Variants in RBBP8 observed in about 807,000 individuals in gnomAD.
RBBP8 encodes the protein DNA endonuclease RBBP8.
A neutral mutation model predicts 108.3 loss-of-function variants in RBBP8; 88 were observed. The ratio of observed to expected loss-of-function variants is 0.81; its 90% CI spans 0.68 to 0.97. RBBP8 has a LOEUF of 0.97. RBBP8 is among the 50% of genes least tolerant of loss of function. RBBP8 has a pLI of 0.00. For missense variants in RBBP8, 1,023 were observed against 1,049.0 expected (o/e 0.98, Z 0.34); for synonymous variants, 332 against 348.2 (o/e 0.95, Z 0.52).
rs773211779 is a variant in RBBP8 at position 23,026,178 on chromosome 18, C to G, written c.2632C>G (p.Pro878Ala). ...GGAAGATCTTGATCCTTGTCCTCGTCCAAAAAGACGTCAGCCTTACAACGC... is the reference window on the plus strand; with the variant it reads ...GGAAGATCTTGATCCTTGTCCTCGTGCAAAAAGACGTCAGCCTTACAACGC... ...IKEDLDPCPR[P>A]KRRQPYNAIF... Residue 878 changes from proline (P) to alanine (A), a missense_variant, in exon 19 of 19, where the codon CCA (proline) becomes GCA (alanine). Physicochemically the swap from Pro to Ala is conservative, Grantham distance 27 (BLOSUM62 -1). Transcript: ENST00000327155. 56 of 1,613,616 alleles carry G rather than the reference C, an allele frequency of 3.5e-5. No individual in the cohort carries two copies. The South Asian group carries it at 5.9e-4, about 17-fold the overall frequency.
Position 23,007,002 on chromosome 18 carries a change from CATGT to C in RBBP8, c.2357+571_2357+574del, listed in dbSNP as rs1567996777. On this transcript the variant is annotated intron_variant, in intron 16 of 18. Transcript: ENST00000327155. ...CTCTGCTTTTGTGTGTGTGCGTGTGCATGTGTGTGTGTGTATTTCTTTTTTTTTT... is the reference window on the plus strand; with the variant it reads ...CTCTGCTTTTGTGTGTGTGCGTGTGCGTGTGTGTGTATTTCTTTTTTTTTT... Among the ~76,000 whole-genome samples, 5 of 147,348 alleles carry C rather than the reference CATGT, an allele frequency of 3.4e-5. No individual in the cohort carries two copies. In the South Asian group the frequency reaches 6.4e-4, roughly 19 times the overall value.
intron 2 of RBBP8, among the ~76,000 whole-genome samples, chr18:22,944,027 C>G (rs1438738116): frequency 6.6e-6 from 1 of 152,158 alleles, no homozygotes; most frequent in Non-Finnish European, 1.5e-5. Flanking sequence ...GTGTTACAAT[C>G]CCAGATACTT....
intron 3 of RBBP8, among the ~76,000 whole-genome samples, chr18:22,922,323 C>T (rs1297718870): frequency 6.6e-6 from 1 of 151,842 alleles, no homozygotes; most frequent in African/African-American, 2.4e-5. Context: ...AAAAAAATAA[C>T]ACTATCTCCT....
intron 3 of RBBP8, among the ~76,000 whole-genome samples, chr18:22,921,382 C>A (rs1252018697): frequency 6.6e-6 from 1 of 152,150 alleles, no homozygotes; most frequent in Non-Finnish European, 1.5e-5. Context: ...TTAAGAGTTG[C>A]CGCATGGGTT....
At chr18:22,983,619 T>C (rs544133370) in intron 7 of RBBP8, among the ~76,000 whole-genome samples, 32 of 61,230 alleles carry the variant, frequency 5.2e-4, no homozygotes, top group African/African-American at 1.0e-3. Flanking sequence ...GAAAGTCTTT[T>C]GTAACCAATA....
At chr18:22,990,849 T>C in intron 9 of RBBP8, 88 bp from the exon 10 acceptor site, 1 of 971,476 alleles carries the variant, frequency 1.0e-6, no homozygotes, top group Non-Finnish European at 1.6e-6. Context: ...GAGGTTCATC[T>C]ACATCATAAC....
chr18:22,993,408 C>A lies in RBBP8; in HGVS notation c.1581C>A (p.Thr527=). 1.2e-6 allele frequency: 2 copies of A among 1,614,170 alleles called. No individual in the cohort carries two copies. The highest frequency in any genetic ancestry group is 8.5e-7 in the Non-Finnish European group (1 of 1,180,034). ...RQVTLYEALK[T]IPKGFSSSRK... is the part of the protein sequence containing the mutation. The stretch of plus-strand genomic sequence containing the variant: ...TGACTCTTTATGAGGCTTTGAAGAC[C>A]ATTCCAAAGGGCTTTTCCTCAAGCC... The change falls in exon 11 of 19, where the codon ACC becomes ACA. Residue 527 remains threonine (T), a synonymous_variant. Transcript: ENST00000327155.
chr18:22,977,542 G>A (rs191854812), intron 6 of RBBP8, among the ~76,000 whole-genome samples: 33 of 152,200 alleles, frequency 2.2e-4, no homozygotes, highest in Non-Finnish European at 4.1e-4. Context: ...ATGGGTCAGT[G>A]AAAGTCAAGG....
chr18:22,992,651 C>G, intron 10 of RBBP8, 97 bp from the exon 11 acceptor site: 1 of 1,017,560 alleles, frequency 9.8e-7, no homozygotes, highest in Non-Finnish European at 1.5e-6. Flanking sequence ...AAAAGCTGTA[C>G]CTTGTCTTAA....
intron 4 of RBBP8, among the ~76,000 whole-genome samples, chr18:22,953,591 G>C (rs1279570902): frequency 6.6e-6 from 1 of 152,038 alleles, no homozygotes; most frequent in African/African-American, 2.4e-5. Flanking sequence ...CTTAAAGTTT[G>C]AGCTTCCTGT....
At chr18:22,969,285 C>T (rs1430557297) in intron 5 of RBBP8, among the ~76,000 whole-genome samples, 1 of 151,680 alleles carries the variant, frequency 6.6e-6, no homozygotes, top group Non-Finnish European at 1.5e-5. Flanking sequence ...TATTGTTCTA[C>T]ACTTGTTTTC....
At chr18:22,970,161 T>G (rs1358303785) in intron 5 of RBBP8, among the ~76,000 whole-genome samples, 7 of 152,228 alleles carry the variant, frequency 4.6e-5, no homozygotes, top group Admixed American at 3.3e-4. Flanking sequence ...AAATGTAGTA[T>G]TCGGTGTCTG....
chr18:22,945,094 C>T (rs563730500), intron 2 of RBBP8, among the ~76,000 whole-genome samples: 15 of 152,150 alleles, frequency 9.9e-5, no homozygotes, highest in Non-Finnish European at 1.9e-4. Context: ...TTGGGTTCTT[C>T]GGAAATCAGT....
intron 17 of RBBP8, among the ~76,000 whole-genome samples, chr18:23,021,632 A>G (rs1482279120): frequency 2.0e-5 from 3 of 152,214 alleles, no homozygotes; most frequent in Non-Finnish European, 4.4e-5. Context: ...AGCCTTCAAC[A>G]TTCAGATCTA....
chr18:23,023,942 C>T lies in RBBP8; in HGVS notation c.2596+1672C>T, dbSNP rs143771048. Among the ~76,000 whole-genome samples the T allele has an allele frequency of 3.6e-3, 472 of 129,940 alleles. 5 individuals are homozygous for T. Among genetic ancestry groups the T allele is most frequent in the African/African-American group, 0.013 (450 of 33,604 alleles). 85.2% of individuals were successfully genotyped at this position (129,940 alleles called of 152,430 possible). Reference sequence around the variant, plus strand: ...GGCTGGAGTGCAAATGGCACAATCTCGGCTCACTGCAACCTCCACCTCCCA... The same window carrying T: ...GGCTGGAGTGCAAATGGCACAATCTTGGCTCACTGCAACCTCCACCTCCCA... On this transcript the variant is annotated intron_variant, in intron 18 of 18. Transcript: ENST00000327155.
chr18:22,967,899 G>A (rs1053716757), intron 4 of RBBP8, among the ~76,000 whole-genome samples: 6 of 151,846 alleles, frequency 4.0e-5, no homozygotes, highest in African/African-American at 7.3e-5. Flanking sequence ...CGCCCGCCTC[G>A]GCCTCCCAAA....
intron 1 of RBBP8, among the ~76,000 whole-genome samples, chr18:22,935,407 G>T (rs1400260580): frequency 1.4e-5 from 2 of 146,942 alleles, no homozygotes; most frequent in Non-Finnish European, 3.0e-5. Context: ...AAACAAAACC[G>T]CATCATTATC....
At chr18:23,011,230 AT>A (rs2046154226) in intron 16 of RBBP8, among the ~76,000 whole-genome samples, 1 of 152,166 alleles carries the variant, frequency 6.6e-6, no homozygotes. Flanking sequence ...TTTCTGTTTC[AT>A]GGTGCTTTAT....
intron 16 of RBBP8, 100 bp downstream of exon 16, chr18:23,006,532 T>A: frequency 6.8e-6 from 7 of 1,031,818 alleles, no homozygotes; most frequent in South Asian, 1.4e-5. Context: ...GACAGAGTCT[T>A]GCTCTGTCAC....
Sources: gnomAD v4.1 joint callset for allele counts (sites outside exome capture counted in the v4.1 genomes callset) on GRCh38, gnomAD v4.1.1 for gene constraint, MANE v1.5 for transcripts, NCBI Gene and HGNC (gene_info 2026-07-23, HGNC 2026-07-21) for gene names.